Variants in COL8A1 observed in about 807,000 individuals in gnomAD.
COL8A1 encodes the protein collagen alpha-1(VIII) chain.
Under a neutral mutation model 42.7 loss-of-function variants are expected in COL8A1, and 21 were observed. The observed-to-expected ratio is 0.49, with a 90% CI of 0.35 to 0.71. The LOEUF (loss-of-function observed/expected upper bound fraction) is 0.71, where lower values mean the gene tolerates loss of function less well. Ranked by LOEUF, COL8A1 falls within the 30% of genes least tolerant of loss-of-function variation. COL8A1 has a pLI of 0.01. For missense variants in COL8A1, 788 were observed against 962.4 expected, an observed-to-expected ratio of 0.82 and a Z score of 2.40; for synonymous variants, 367 against 369.1, an observed-to-expected ratio of 0.99 and a Z score of 0.06.
At chr3:99,649,597 T>A (rs1176972369) in intron 1 of COL8A1, among the ~76,000 whole-genome samples, 1 of 152,132 alleles carries the variant, frequency 6.6e-6, no homozygotes, top group African/African-American at 2.4e-5. Context: ...TTAGAAAGAA[T>A]AAAAGTTCTG....
rs373091254 is a variant in COL8A1 at position 99,796,170 on chromosome 3, G to A, written c.*34G>A. On this transcript the variant is annotated 3_prime_UTR_variant, in exon 4 of 4. Transcript: ENST00000652472. ...AAACAAAAAACAAAGAAAAGAAAGA[G>A]ATTTTATAGAAGAAAATGACACACC... 9 of 1,417,606 alleles carry A rather than the reference G, an allele frequency of 6.3e-6. No homozygotes were observed. Among genetic ancestry groups the A allele is most frequent in the Non-Finnish European group, 8.4e-6 (9 of 1,076,542 alleles). The allele number at this position is 1,417,606 out of a possible 1,614,324, so 87.8% of individuals were successfully genotyped here. A position where few individuals can be genotyped will look rare whatever the true frequency, so the allele number is the denominator to read the frequency against.
chr3:99,730,542 A>T (rs921819893), intron 1 of COL8A1, among the ~76,000 whole-genome samples: 4 of 152,108 alleles, frequency 2.6e-5, no homozygotes, highest in Non-Finnish European at 5.9e-5. Context: ...CACTCAATGG[A>T]GTCATTAAGA....
At chr3:99,719,118 G>T (rs1459024492) in intron 1 of COL8A1, among the ~76,000 whole-genome samples, 22 of 151,934 alleles carry the variant, frequency 1.4e-4, no homozygotes, top group Non-Finnish European at 4.4e-5. Context: ...GAGATTTGTT[G>T]TAAGGATTAA....
chr3:99,770,086 G>T (rs576186442), intron 2 of COL8A1, among the ~76,000 whole-genome samples: 4 of 152,294 alleles, frequency 2.6e-5, no homozygotes, highest in African/African-American at 9.6e-5. Flanking sequence ...CAGTTGTGCA[G>T]AAGTATGATT....
At chr3:99,773,645 G>C (rs989569388) in intron 2 of COL8A1, among the ~76,000 whole-genome samples, 1 of 150,628 alleles carries the variant, frequency 6.6e-6, no homozygotes, top group Non-Finnish European at 1.5e-5. Context: ...ACGAATGCTG[G>C]AAATGTTTAT....
chr3:99,658,026 C>A (rs1938079676), intron 1 of COL8A1, among the ~76,000 whole-genome samples: 1 of 151,192 alleles, frequency 6.6e-6, no homozygotes, highest in Admixed American at 6.6e-5. Context: ...ACTCAGGAGG[C>A]TGAGGCAGGA....
chr3:99,726,235 A>G (rs1940321213), intron 1 of COL8A1, among the ~76,000 whole-genome samples: 1 of 152,120 alleles, frequency 6.6e-6, no homozygotes, highest in African/African-American at 2.4e-5. Context: ...ATCTGTTCGT[A>G]TCCTGCACCC....
chr3:99,678,124 T>C (rs1012561058), intron 1 of COL8A1: 4 of 152,102 alleles, frequency 2.6e-5, no homozygotes, highest in Non-Finnish European at 5.9e-5. Context: ...CTCCCACTTG[T>C]GGCTGTGAGT....
At chr3:99,642,094 C>T (rs1937515646) in intron 1 of COL8A1, among the ~76,000 whole-genome samples, 1 of 152,186 alleles carries the variant, frequency 6.6e-6, no homozygotes, top group Non-Finnish European at 1.5e-5. Context: ...CAGATATTAA[C>T]AGCAGGTTAC....
chr3:99,691,249 T>A (rs1939210724), intron 1 of COL8A1: 2 of 152,140 alleles, frequency 1.3e-5, no homozygotes, highest in African/African-American at 4.8e-5. Flanking sequence ...CAAAATGTCA[T>A]CCTCAAATGG....
chr3:99,718,090 C>T (rs989156473), intron 1 of COL8A1, among the ~76,000 whole-genome samples: 2 of 151,990 alleles, frequency 1.3e-5, no homozygotes, highest in African/African-American at 2.4e-5. Context: ...CCATCTCCTC[C>T]ATAATATCTT....
At chr3:99,674,444 TAA>T (rs372040145) in intron 1 of COL8A1, among the ~76,000 whole-genome samples, 1 of 142,994 alleles carries the variant, frequency 7.0e-6, no homozygotes, top group Admixed American at 7.0e-5. Flanking sequence ...TCTCCTTTTT[TAA>T]AAAAAAAAAA....
At chr3:99,715,973 G>A (rs1939983730) in intron 1 of COL8A1, among the ~76,000 whole-genome samples, 2 of 151,948 alleles carry the variant, frequency 1.3e-5, no homozygotes, top group South Asian at 4.1e-4. Flanking sequence ...CCTTCACTCT[G>A]GGCTATTATT....
intron 1 of COL8A1, among the ~76,000 whole-genome samples, chr3:99,729,191 A>G (rs1224076874): frequency 6.6e-6 from 1 of 152,054 alleles, no homozygotes; most frequent in Admixed American, 6.6e-5. Context: ...AAATTATAGT[A>G]TGAGGGCCTA....
chr3:99,649,370 A>T (rs897923436), intron 1 of COL8A1, among the ~76,000 whole-genome samples: 5 of 152,128 alleles, frequency 3.3e-5, no homozygotes, highest in Admixed American at 1.3e-4. Context: ...GGGCTTAATA[A>T]ATGTGAAAAG....
At chr3:99,776,188 G>C (rs1350299845) in intron 2 of COL8A1, among the ~76,000 whole-genome samples, 1 of 152,180 alleles carries the variant, frequency 6.6e-6, no homozygotes, top group East Asian at 1.9e-4. Flanking sequence ...CAAGTTCAAA[G>C]TGATCTGATG....
At chr3:99,716,726 G>A (rs1269497673) in intron 1 of COL8A1, among the ~76,000 whole-genome samples, 1 of 151,868 alleles carries the variant, frequency 6.6e-6, no homozygotes, top group Non-Finnish European at 1.5e-5. Context: ...CACTTGAACT[G>A]AGGAAAAAAG....
At position 99,796,004 on chromosome 3, in the gene COL8A1, T is replaced by C; in HGVS notation, c.2103T>C (p.Ser701=). 1.2e-6 allele frequency: 2 copies of C among 1,613,980 alleles called. No homozygotes were observed. The highest frequency in any genetic ancestry group is 1.7e-6 in the Non-Finnish European group (2 of 1,179,966). ...AAAAGGGCTTCCTGGACCAGGCATC[T>C]GGGAGTGCAGTGCTGCTGCTCAGGC... ...EYKKGFLDQA[S]GSAVLLLRPG... The change falls in exon 4 of 4, where the codon TCT becomes TCC. Residue 701 remains serine (S), a synonymous_variant. Coordinates refer to ENST00000652472, the MANE Select transcript of COL8A1 (RefSeq NM_020351.4).
rs1439534042 is a variant in COL8A1, at chr3:99,711,246, AAAC to A, written c.-128-33645_-128-33643del. 2.0e-5 allele frequency among the ~76,000 whole-genome samples: 3 copies of A among 152,262 alleles called. No homozygotes were observed. In the East Asian group the frequency reaches 5.8e-4, roughly 29 times the overall value. ...CAATTTGAAAGCCTCAGACTTGAAG[AAAC>A]AACAAACAAGAGAAAGCCCCCCAAA... is the stretch of plus-strand genomic sequence containing the variant. On this transcript the variant is annotated intron_variant, in intron 1 of 3. Coordinates refer to ENST00000652472, the MANE Select transcript of COL8A1 (RefSeq NM_020351.4).
Sources: gnomAD v4.1 joint callset for allele counts (sites outside exome capture counted in the v4.1 genomes callset) on GRCh38, gnomAD v4.1.1 for gene constraint, MANE v1.5 for transcripts, NCBI Gene and HGNC (gene_info 2026-07-23, HGNC 2026-07-21) for gene names.